ABR: variants seen among roughly 807,000 people sequenced by gnomAD.
ABR encodes the protein active breakpoint cluster region-related protein.
Under a neutral mutation model 107.2 loss-of-function variants are expected in ABR, and 35 were observed. The ratio of observed to expected loss-of-function variants is 0.33; its 90% confidence interval spans 0.25 to 0.43. The LOEUF is 0.43. Ranked by LOEUF, ABR falls within the 20% of genes least tolerant of loss-of-function variation. The pLI is 1.00. For synonymous variants in ABR, 498 were observed against 462.0 expected, an observed-to-expected ratio of 1.08 and a Z score of -1.00; for missense variants, 815 against 1,115.2, an observed-to-expected ratio of 0.73 and a Z score of 3.83.
intron 1 of ABR, among the ~76,000 whole-genome samples, chr17:1,209,888 G>A (rs184128193): frequency 6.7e-4 from 102 of 152,288 alleles, no homozygotes; most frequent in African/African-American, 2.4e-3. Flanking sequence ...ATTTATCAAA[G>A]TCCAGCAGGT....
intron 1 of ABR, among the ~76,000 whole-genome samples, chr17:1,218,807 T>C (rs527435231): frequency 6.6e-6 from 1 of 152,232 alleles, no homozygotes; most frequent in East Asian, 1.9e-4. Flanking sequence ...GGCCCCCAAG[T>C]CCAGTGAACA....
At chr17:1,204,114 C>T (rs1008575345) in intron 1 of ABR, among the ~76,000 whole-genome samples, 1 of 152,200 alleles carries the variant, frequency 6.6e-6, no homozygotes, top group African/African-American at 2.4e-5. Flanking sequence ...CTCCTGGATT[C>T]CACCAGGGGC....
chr17:1,120,038 G>A (rs1342532020), intron 2 of ABR, among the ~76,000 whole-genome samples: 1 of 152,138 alleles, frequency 6.6e-6, no homozygotes, highest in Non-Finnish European at 1.5e-5. Context: ...GGGATTATGG[G>A]AGTGAACTAC....
At chr17:1,033,583 C>T (rs1171296082) in intron 16 of ABR, among the ~76,000 whole-genome samples, 14 of 152,324 alleles carry the variant, frequency 9.2e-5, no homozygotes, top group Admixed American at 4.6e-4. Context: ...GGCCTTGGGG[C>T]GTCCTGCCTG....
At position 1,148,730 on chromosome 17, in the gene ABR, G is replaced by C. The variant is rs950747479; in HGVS notation, c.62-23363C>G. ...AGTGTCTTCCACGAAGCCGGTCCCT[G>C]GTGCGCTGGTTTCACAGATGCGGAG... On this transcript the variant is annotated intron_variant, in intron 1 of 22. Coordinates refer to ENST00000302538, the MANE Select transcript of ABR (RefSeq NM_021962.5). The surrounding 1 kb of genome is among the most constrained non-coding windows in gnomAD (Gnocchi z 4.9). 2.4e-4 allele frequency among the ~76,000 whole-genome samples: 37 copies of C among 152,182 alleles called. No individual in the cohort carries two copies. The highest frequency in any genetic ancestry group is 7.7e-4 in the African/African-American group (32 of 41,440).
intron 12 of ABR, among the ~76,000 whole-genome samples, chr17:1,057,456 C>A (rs2033447268): frequency 6.6e-6 from 1 of 151,752 alleles, no homozygotes; most frequent in African/African-American, 2.4e-5. Context: ...CAGCTCACTG[C>A]AACCTCCGCC....
At chr17:1,097,653 G>A (rs2037565025) in intron 3 of ABR, among the ~76,000 whole-genome samples, 1 of 150,112 alleles carries the variant, frequency 6.7e-6, no homozygotes, top group South Asian at 2.1e-4. Flanking sequence ...ACGACCCCAT[G>A]AAAAGCATAC....
chr17:1,153,281 C>T (rs981878760), intron 1 of ABR, among the ~76,000 whole-genome samples: 2 of 131,640 alleles, frequency 1.5e-5, no homozygotes, highest in East Asian at 1.9e-4. Flanking sequence ...GCGTGGCCCC[C>T]TGTGTCCCTC....
At chr17:1,172,577 C>T (rs1250110589) in intron 1 of ABR, among the ~76,000 whole-genome samples, 2 of 152,034 alleles carry the variant, frequency 1.3e-5, no homozygotes, top group Admixed American at 1.3e-4. Context: ...GGTGAAACCC[C>T]GTCTCTACTA....
intron 18 of ABR, chr17:1,012,409 G>T (rs773510894): frequency 1.5e-6 from 1 of 672,966 alleles, no homozygotes; most frequent in Non-Finnish European, 2.7e-6. Context: ...CCAAACGTAG[G>T]CCCCCGGCTG....
chr17:1,089,665 A>G (rs2036884224), intron 4 of ABR, among the ~76,000 whole-genome samples: 1 of 152,216 alleles, frequency 6.6e-6, no homozygotes, highest in South Asian at 2.1e-4. Context: ...GAGTCTAAGA[A>G]GAAGGAAATG....
At chr17:1,197,379 C>A (rs577038856) in intron 1 of ABR, among the ~76,000 whole-genome samples, 1 of 151,604 alleles carries the variant, frequency 6.6e-6, no homozygotes, top group South Asian at 2.1e-4. Flanking sequence ...CAGCCCCATG[C>A]CCCATTTTTG....
intron 1 of ABR, among the ~76,000 whole-genome samples, chr17:1,213,938 A>C (rs2042951250): frequency 6.6e-6 from 1 of 151,986 alleles, no homozygotes; most frequent in African/African-American, 2.4e-5. Context: ...CCCAGGCTGG[A>C]GTGCAATGGC....
chr17:1,036,753 TCTTA>T (rs1344126213), intron 16 of ABR, among the ~76,000 whole-genome samples: 1 of 151,926 alleles, frequency 6.6e-6, no homozygotes, highest in Non-Finnish European at 1.5e-5. Flanking sequence ...GTCACTGCAT[TCTTA>T]CTGTGTGTTC....
At chr17:1,073,548 C>T in intron 7 of ABR, 77 bp downstream of exon 7, 4 of 1,257,822 alleles carry the variant, frequency 3.2e-6, no homozygotes, top group Non-Finnish European at 4.3e-6. Flanking sequence ...TCGGTGACTC[C>T]AGCACCCTCT....
At chr17:1,077,088 C>T (rs2035797938) in intron 6 of ABR, among the ~76,000 whole-genome samples, 1 of 152,234 alleles carries the variant, frequency 6.6e-6, no homozygotes, top group Admixed American at 6.5e-5. Flanking sequence ...ACAGACAAGG[C>T]AACTGAGGCC....
At chr17:1,058,095 G>T in intron 11 of ABR, 50 bp from the exon 12 acceptor site, 3 of 1,371,796 alleles carry the variant, frequency 2.2e-6, no homozygotes, top group Non-Finnish European at 3.1e-6. Context: ...CAGGCAAAGC[G>T]TACTCCCAGA....
chr17:1,177,706 T>C (rs2041964421), intron 1 of ABR, among the ~76,000 whole-genome samples: 1 of 151,992 alleles, frequency 6.6e-6, no homozygotes, highest in Non-Finnish European at 1.5e-5. Flanking sequence ...AAGAACTGGG[T>C]TTTGCAAAGA....
intron 2 of ABR, among the ~76,000 whole-genome samples, chr17:1,111,159 C>T (rs1380674298): frequency 6.6e-6 from 1 of 152,162 alleles, no homozygotes. Context: ...TTCCTTCCTC[C>T]ACTCAAGAGG....
Sources: gnomAD v4.1 joint callset for allele counts (sites outside exome capture counted in the v4.1 genomes callset) on GRCh38, gnomAD v4.1.1 for gene constraint, Gnocchi (gnomAD v3.1) non-coding constraint, MANE v1.5 for transcripts, NCBI Gene and HGNC (gene_info 2026-07-23, HGNC 2026-07-21) for gene names.